The following TBC1D9 variants were observed in gnomAD, a reference collection of about 807,000 sequenced individuals.
TBC1D9 encodes the protein TBC1 domain family member 9A.
A neutral mutation model predicts 132.0 loss-of-function variants in TBC1D9; 63 were observed. That is an observed-to-expected ratio of 0.48 (90% CI 0.39 to 0.59). The LOEUF (loss-of-function observed/expected upper bound fraction) is 0.59. Among genes scored for constraint, TBC1D9 ranks in the 20% least tolerant of loss-of-function variants. TBC1D9 has a pLI of 0.00. For missense variants in TBC1D9, 1,261 were observed against 1,592.7 expected (o/e 0.79, Z 3.54); for synonymous variants, 610 against 609.9 (o/e 1.00, Z 0.00).
In TBC1D9 at chr4:140,679,051, G is replaced by A; in HGVS notation, c.742C>T (p.Leu248Phe). ...INETFKLMEQLANIAMRQLLD... is the reference protein window; with the variant it reads ...INETFKLMEQFANIAMRQLLD... ...AGTTGCCTCATGGCTATGTTGGCAA[G>A]CTGCTCCATTAACTTGAAGGTCTCG... is the stretch of plus-strand genomic sequence containing the variant. Residue 248 changes from leucine (L) to phenylalanine (F), a missense_variant, in exon 5 of 21, where the codon CTT becomes TTT. Coordinates refer to ENST00000442267, the MANE Select transcript of TBC1D9 (RefSeq NM_015130.3). 1 of 1,613,950 alleles carries A rather than the reference G, an allele frequency of 6.2e-7. No individual in the cohort carries two copies. Among genetic ancestry groups the A allele is most frequent in the Non-Finnish European group, 8.5e-7 (1 of 1,179,848 alleles).
In TBC1D9 at chr4:140,622,261, GT is replaced by G; in HGVS notation, c.3734del (p.Asn1245ThrfsTer4). On this transcript the variant is annotated frameshift_variant, in exon 21 of 21. Coordinates refer to ENST00000442267, the MANE Select transcript of TBC1D9 (RefSeq NM_015130.3). LOFTEE classifies it high-confidence loss of function. Reference sequence around the variant, plus strand: ...TGAGGGGCTTGCCCATCATCCGGATGTTTTTTGCACTGGTAATCCTGGCCAT... The same window carrying G: ...TGAGGGGCTTGCCCATCATCCGGATGTTTTTGCACTGGTAATCCTGGCCAT... ...CMMARITSAK[N>X]IRMMGKPLTS... 1 of 1,607,024 alleles carries G rather than the reference GT, an allele frequency of 6.2e-7. No individual in the cohort carries two copies. Among genetic ancestry groups the G allele is most frequent in the Non-Finnish European group, 8.5e-7 (1 of 1,174,052 alleles).
At chr4:140,675,210 G>A (rs183427908) in intron 6 of TBC1D9, among the ~76,000 whole-genome samples, 89 of 140,736 alleles carry the variant, frequency 6.3e-4, no homozygotes, top group African/African-American at 1.8e-3. Flanking sequence ...GAACTAGGGC[G>A]GACTTTTCTC....
chr4:140,657,589 A>C lies in TBC1D9; in HGVS notation c.2145T>G (p.Asp715Glu), dbSNP rs768040607. The C allele has an allele frequency of 8.1e-6, 13 of 1,613,870 alleles. No homozygotes were observed. The highest frequency in any genetic ancestry group is 1.1e-5 in the South Asian group (1 of 91,092). ...AGTTCAACAGTTTGTCCACATTTGC[A>C]TCCAGCACAGCTAGGGCCAACTGGA... Reference protein sequence around the residue: ...VIFQLALAVLDANVDKLLNCK... With the variant: ...VIFQLALAVLEANVDKLLNCK... Residue 715 changes from aspartate to glutamate, a missense_variant, in exon 12 of 21, where the codon GAT becomes GAG. Asp to Glu is a conservative substitution (Grantham distance 45). Around this residue, in one of 3 missense-constraint regions of TBC1D9, gnomAD observed 618 missense variants for 724.4 expected, o/e 0.85. Transcript: ENST00000442267.
Position 140,621,342 on chromosome 4 carries a change from C to T in TBC1D9, c.*853G>A, listed in dbSNP as rs1046117746. On this transcript the variant is annotated 3_prime_UTR_variant, in exon 21 of 21. Coordinates refer to ENST00000442267, the MANE Select transcript of TBC1D9 (RefSeq NM_015130.3). The stretch of plus-strand genomic sequence containing the variant: ...CAGTAAGAAGCTAAACATCCAGTAT[C>T]AGAAGCATCAGTACTTTTACTCTTT... 1.3e-5 allele frequency: 2 copies of T among 152,474 alleles called. No individual in the cohort carries two copies. Among genetic ancestry groups the T allele is most frequent in the East Asian group, 3.9e-4 (2 of 5,186 alleles). The allele number at this position is 152,474 out of a possible 1,614,324, so 9.4% of individuals were successfully genotyped here.
At chr4:140,690,914 A>AT in intron 2 of TBC1D9, among the ~76,000 whole-genome samples, 1 of 152,358 alleles carries the variant, frequency 6.6e-6, no homozygotes, top group Middle Eastern at 3.4e-3. Flanking sequence ...CACTATCAGT[A>AT]AACAGCAGCT....
At chr4:140,705,871 G>A (rs563208547) in intron 1 of TBC1D9, among the ~76,000 whole-genome samples, 13 of 152,262 alleles carry the variant, frequency 8.5e-5, no homozygotes, top group African/African-American at 2.6e-4. Context: ...CTAAGATAAC[G>A]AAATCAAATT....
chr4:140,640,890 C>G (rs1736977568), intron 13 of TBC1D9, among the ~76,000 whole-genome samples: 1 of 142,004 alleles, frequency 7.0e-6, no homozygotes, highest in African/African-American at 3.0e-5. Flanking sequence ...TACATATATG[C>G]TATATATATA....
At chr4:140,632,546 T>A (rs1736814379) in intron 16 of TBC1D9, among the ~76,000 whole-genome samples, 1 of 152,206 alleles carries the variant, frequency 6.6e-6, no homozygotes, top group South Asian at 2.1e-4. Context: ...GGGTCTAGCA[T>A]GTATTAGCTG....
At chr4:140,702,497 A>G (rs751450280) in intron 1 of TBC1D9, among the ~76,000 whole-genome samples, 1 of 152,208 alleles carries the variant, frequency 6.6e-6, no homozygotes, top group Non-Finnish European at 1.5e-5. Context: ...GTCTGCCCAG[A>G]TGACCCGGCT....
chr4:140,641,105 C>G (rs12650645), intron 13 of TBC1D9, among the ~76,000 whole-genome samples: 2 of 59,780 alleles, frequency 3.3e-5, no homozygotes, highest in Non-Finnish European at 6.1e-5. Flanking sequence ...AAAAAAAAAA[C>G]AAAAAAAAAC....
chr4:140,663,166 A>C (rs1027033394), intron 9 of TBC1D9, among the ~76,000 whole-genome samples: 6 of 152,342 alleles, frequency 3.9e-5, no homozygotes, highest in Admixed American at 3.3e-4. Flanking sequence ...TCAATATACA[A>C]AATATATAAT....
At chr4:140,638,690 C>A (rs1263781555) in intron 15 of TBC1D9, among the ~76,000 whole-genome samples, 3 of 151,882 alleles carry the variant, frequency 2.0e-5, no homozygotes, top group Admixed American at 2.0e-4. Flanking sequence ...GAAATTTAAC[C>A]AATTATGCTT....
At chr4:140,739,695 G>A (rs1218726293) in intron 1 of TBC1D9, among the ~76,000 whole-genome samples, 1 of 152,130 alleles carries the variant, frequency 6.6e-6, no homozygotes, top group Non-Finnish European at 1.5e-5. Flanking sequence ...CCAAAATGTA[G>A]AATTTTCCTT....
Position 140,679,696 on chromosome 4 carries a change from T to C in TBC1D9, c.508A>G (p.Lys170Glu). 1 of 1,613,840 alleles carries C rather than the reference T, an allele frequency of 6.2e-7. No individual in the cohort carries two copies. The highest frequency in any genetic ancestry group is 1.1e-5 in the South Asian group (1 of 91,074). Residue 170 changes from lysine (K) to glutamate (E), a missense_variant, in exon 4 of 21, where the codon AAG becomes GAG. Transcript: ENST00000442267. The part of the protein sequence containing the change: ...LVNYYSCSYW[K>E]GKVPRQGWMY... ...CAACCCTGACGGGGGACCTTCCCCT[T>C]CCAATAGCTGCAAGAGTAATAGTTG...
At chr4:140,671,789 C>T (rs527311397) in intron 6 of TBC1D9, among the ~76,000 whole-genome samples, 29 of 151,048 alleles carry the variant, frequency 1.9e-4, no homozygotes, top group Non-Finnish European at 3.7e-4. Flanking sequence ...ATAGGATTTT[C>T]ATCAACTAGA....
chr4:140,637,452 C>A (rs965852675), intron 15 of TBC1D9, among the ~76,000 whole-genome samples: 1 of 152,198 alleles, frequency 6.6e-6, no homozygotes, highest in African/African-American at 2.4e-5. Flanking sequence ...CCCGAGTCAG[C>A]CTCCTCTGTC....
In TBC1D9 at chr4:140,669,021, T is replaced by A; in HGVS notation, c.1484A>T (p.Glu495Val). The change falls in exon 9 of 21, where the codon GAG becomes GTG. Residue 495 changes from glutamate to valine, a missense_variant. Transcript: ENST00000442267. Reference sequence around the variant, plus strand: ...GTACATGCAGATCCCTTGCCCATACTCAGCAAAGTGAATCTTCCAGGCTTG... The same window carrying A: ...GTACATGCAGATCCCTTGCCCATACACAGCAAAGTGAATCTTCCAGGCTTG... ...KEQAWKIHFA[E>V]YGQGICMYRT... is the part of the protein sequence containing the mutation. 1 of 1,614,024 alleles carries A rather than the reference T, an allele frequency of 6.2e-7. No homozygotes were observed. Among genetic ancestry groups the A allele is most frequent in the Non-Finnish European group, 8.5e-7 (1 of 1,179,902 alleles).
intron 1 of TBC1D9, among the ~76,000 whole-genome samples, chr4:140,734,293 G>A (rs547006059): frequency 4.6e-5 from 7 of 152,062 alleles, no homozygotes; most frequent in Non-Finnish European, 7.4e-5. Flanking sequence ...CACACTCAGC[G>A]AATTTTTCAT....
Position 140,622,222 on chromosome 4 carries a change from G to A in TBC1D9, c.3774C>T (p.Asp1258=). 1 of 1,588,196 alleles carries A rather than the reference G, an allele frequency of 6.3e-7. No individual in the cohort carries two copies. Among genetic ancestry groups the A allele is most frequent in the East Asian group, 2.3e-5 (1 of 44,110 alleles). Residue 1258 remains aspartate, a synonymous_variant, in exon 21 of 21, where the codon GAC becomes GAT. Transcript: ENST00000442267. ...AGCCGGACATGGCCGAGATTTCATA[G>A]TCACTGGCCGAGGTGAGGGGCTTGC... ...MMGKPLTSAS[D]YEISAMSG
Sources: gnomAD v4.1 joint callset for allele counts (sites outside exome capture counted in the v4.1 genomes callset) on GRCh38, gnomAD v4.1.1 for gene constraint, gnomAD v4.1.1 regional missense constraint, MANE v1.5 for transcripts, NCBI Gene and HGNC (gene_info 2026-07-23, HGNC 2026-07-21) for gene names.